CSMD1: variants seen among roughly 807,000 people sequenced by gnomAD.
CSMD1 encodes CUB and sushi domain-containing protein 1.
A neutral mutation model predicts 417.5 loss-of-function variants in CSMD1; 213 were observed. The observed-to-expected ratio is 0.51, with a 90% CI of 0.46 to 0.57. The LOEUF (loss-of-function observed/expected upper bound fraction) is 0.57. CSMD1 is among the 20% of genes least tolerant of loss of function. The pLI, the probability that CSMD1 is intolerant of heterozygous loss-of-function variation, is 0.00. For missense variants in CSMD1, 6,923 were observed against 4,529.7 expected, an observed-to-expected ratio of 1.53 and a Z score of -15.17; for synonymous variants, 2,862 against 1,736.8, an observed-to-expected ratio of 1.65 and a Z score of -16.11.
At position 4,928,378 on chromosome 8, in the gene CSMD1, T is replaced by C. The variant is rs182996763; in HGVS notation, c.85+65954A>G. On this transcript the variant is annotated intron_variant, in intron 1 of 69. Coordinates refer to ENST00000635120, the MANE Select transcript of CSMD1 (RefSeq NM_033225.6). ...GGTTATTTAGTTATTTACTATCTTC[T>C]CTGACTATGCAAGAGCTGGGGCTTT... Among the ~76,000 whole-genome samples, 5 of 152,316 alleles carry C rather than the reference T, an allele frequency of 3.3e-5. No homozygotes were observed. In the East Asian group the frequency reaches 7.7e-4, roughly 24 times the overall value.
At chr8:4,050,402 A>C (rs541470553) in intron 3 of CSMD1, among the ~76,000 whole-genome samples, 102 of 152,096 alleles carry the variant, frequency 6.7e-4, no homozygotes, top group Non-Finnish European at 1.2e-3. Flanking sequence ...TTTAATTTTT[A>C]AAATTTTATT....
At position 2,960,961 on chromosome 8, in the gene CSMD1, T is replaced by TATATATATAC. The variant is rs1408815262; in HGVS notation, c.9702+179_9702+180insGTATATATAT. On this transcript the variant is annotated intron_variant, in intron 62 of 69. Transcript: ENST00000635120. Reference sequence around the variant, plus strand: ...CAAGATATATATATATATATATATATATATACATATATTGATTTTGACAGT... The same window carrying TATATATATAC: ...CAAGATATATATATATATATATATATATATATATACATATACATATATTGATTTTGACAGT... 6.2e-3 allele frequency among the ~76,000 whole-genome samples: 816 copies of TATATATATAC among 130,816 alleles called. 4 individuals carry two copies. Among genetic ancestry groups the TATATATATAC allele is most frequent in the Non-Finnish European group, 7.4e-3 (481 of 64,890 alleles). 85.8% of individuals were successfully genotyped at this position (130,816 alleles called of 152,430 possible).
chr8:4,239,491 G>T (rs1442851826), intron 3 of CSMD1, among the ~76,000 whole-genome samples: 1 of 152,138 alleles, frequency 6.6e-6, no homozygotes, highest in Admixed American at 6.5e-5. Flanking sequence ...CAGATCAGCT[G>T]CCCCACCCCA....
chr8:4,950,836 C>G (rs1459459209), intron 1 of CSMD1, among the ~76,000 whole-genome samples: 1 of 152,092 alleles, frequency 6.6e-6, no homozygotes, highest in Non-Finnish European at 1.5e-5. Context: ...AGGAGCACCA[C>G]TCAACCACTC....
intron 5 of CSMD1, among the ~76,000 whole-genome samples, chr8:3,942,036 G>A (rs551156542): frequency 4.1e-4 from 62 of 151,994 alleles, no homozygotes; most frequent in African/African-American, 1.4e-3. Flanking sequence ...TCTTATAGGC[G>A]CGCAAACCCT....
At chr8:3,798,888 G>C (rs1251155559) in intron 5 of CSMD1, among the ~76,000 whole-genome samples, 2 of 151,956 alleles carry the variant, frequency 1.3e-5, no homozygotes, top group African/African-American at 2.4e-5. Flanking sequence ...ACATAGTCAA[G>C]TTTATAGGTG....
intron 3 of CSMD1, among the ~76,000 whole-genome samples, chr8:4,389,470 GCTTT>G (rs1395821501): frequency 6.6e-6 from 1 of 151,992 alleles, no homozygotes; most frequent in Non-Finnish European, 1.5e-5. Flanking sequence ...TTTGGTTAGT[GCTTT>G]TTTTTCTCAG....
intron 8 of CSMD1, among the ~76,000 whole-genome samples, chr8:3,591,658 C>T (rs1243711996): frequency 1.3e-5 from 2 of 152,166 alleles, no homozygotes; most frequent in African/African-American, 4.8e-5. Context: ...TCTACTGAAT[C>T]TGCTGATGCA....
chr8:4,189,331 CTG>C (rs1401261853), intron 3 of CSMD1, among the ~76,000 whole-genome samples: 1 of 152,122 alleles, frequency 6.6e-6, no homozygotes, highest in African/African-American at 2.4e-5. Flanking sequence ...CTGGTGCCAA[CTG>C]TGTTTATTAG....
intron 7 of CSMD1, among the ~76,000 whole-genome samples, chr8:3,704,230 C>A (rs533442588): frequency 6.6e-6 from 1 of 152,084 alleles, no homozygotes; most frequent in South Asian, 2.1e-4. Context: ...AAAAATAGAG[C>A]AGCCTGGGAA....
chr8:3,017,158 T>C (rs11777661), intron 52 of CSMD1, among the ~76,000 whole-genome samples: 13,769 of 152,246 alleles, frequency 0.09, 694 homozygotes, highest in African/African-American at 0.14. Flanking sequence ...CAATTACTAA[T>C]AGAGATGTGG....
At chr8:4,274,934 A>C (rs1045306296) in intron 3 of CSMD1, among the ~76,000 whole-genome samples, 3 of 152,144 alleles carry the variant, frequency 2.0e-5, no homozygotes, top group Non-Finnish European at 4.4e-5. Flanking sequence ...CCACATTCAT[A>C]TTTTCTTGAG....
At chr8:4,596,292 C>CT (rs1398938697) in intron 2 of CSMD1, among the ~76,000 whole-genome samples, 1 of 152,100 alleles carries the variant, frequency 6.6e-6, no homozygotes, top group East Asian at 1.9e-4. Flanking sequence ...GGGAGAGATG[C>CT]TTAACCCAAG....
intron 58 of CSMD1, among the ~76,000 whole-genome samples, chr8:2,966,217 T>C (rs547542349): frequency 6.6e-6 from 1 of 152,226 alleles, no homozygotes; most frequent in East Asian, 1.9e-4. Context: ...AGCCCCTAAT[T>C]AGGCATGGGG....
chr8:2,939,635 T>A (rs1018198493), intron 69 of CSMD1, among the ~76,000 whole-genome samples: 41 of 152,296 alleles, frequency 2.7e-4, no homozygotes, highest in African/African-American at 9.9e-4. Flanking sequence ...CGCAAAAACA[T>A]CATTTGACAT....
At chr8:4,804,057 TG>T (rs1798452935) in intron 1 of CSMD1, among the ~76,000 whole-genome samples, 1 of 152,188 alleles carries the variant, frequency 6.6e-6, no homozygotes, top group South Asian at 2.1e-4. Context: ...GTATTAGGGG[TG>T]TGTTCTATTT....
intron 2 of CSMD1, among the ~76,000 whole-genome samples, chr8:4,586,334 G>A (rs999810248): frequency 5.3e-5 from 8 of 152,166 alleles, no homozygotes; most frequent in African/African-American, 1.7e-4. Context: ...GTGACTAATT[G>A]CTTGTGTAGA....
intron 2 of CSMD1, among the ~76,000 whole-genome samples, chr8:4,553,248 T>C (rs902456001): frequency 1.3e-5 from 2 of 152,194 alleles, no homozygotes; most frequent in African/African-American, 2.4e-5. Context: ...GCAACCATCA[T>C]AAATGTAACA....
intron 28 of CSMD1, among the ~76,000 whole-genome samples, chr8:3,222,251 A>G (rs1798262080): frequency 6.6e-6 from 1 of 152,134 alleles, no homozygotes; most frequent in African/African-American, 2.4e-5. Flanking sequence ...TTAAATATGC[A>G]TATCATCAAA....
Sources: gnomAD v4.1 joint callset for allele counts (sites outside exome capture counted in the v4.1 genomes callset) on GRCh38, gnomAD v4.1.1 for gene constraint, MANE v1.5 for transcripts, NCBI Gene and HGNC (gene_info 2026-07-23, HGNC 2026-07-21) for gene names.